Variants in ABLIM2 observed in about 807,000 individuals in gnomAD.
ABLIM2 encodes actin binding LIM protein family member 2, also known as actin-binding LIM protein 2.
In ABLIM2, 53 loss-of-function variants were observed where a neutral mutation model predicts 97.7. The observed-to-expected ratio is 0.54, with a 90% CI of 0.44 to 0.68. The LOEUF is 0.68. Among genes scored for constraint, ABLIM2 ranks in the 30% least tolerant of loss-of-function variants. ABLIM2 has a pLI of 0.00. For synonymous variants in ABLIM2, 361 were observed against 345.8 expected (o/e 1.04, Z -0.49); for missense variants, 835 against 867.2 (o/e 0.96, Z 0.47).
chr4:8,129,548 T>C (rs1163338176), intron 1 of ABLIM2, among the ~76,000 whole-genome samples: 2 of 152,192 alleles, frequency 1.3e-5, no homozygotes, highest in African/African-American at 2.4e-5. Flanking sequence ...AAAGATGGTG[T>C]TTCTAAGATT....
chr4:8,111,074 C>T (rs958695689), intron 1 of ABLIM2, among the ~76,000 whole-genome samples: 2 of 152,222 alleles, frequency 1.3e-5, no homozygotes, highest in Non-Finnish European at 2.9e-5. Flanking sequence ...ACGTGTTTTA[C>T]ATTAAAAAGA....
Position 8,150,615 on chromosome 4 carries a change from C to T in ABLIM2, c.10+8065G>A, listed in dbSNP as rs560510628. 1.3e-5 allele frequency among the ~76,000 whole-genome samples: 2 copies of T among 152,304 alleles called. No individual in the cohort carries two copies. The highest frequency in any genetic ancestry group is 1.9e-4 in the East Asian group (1 of 5,188). On this transcript the variant is annotated intron_variant, in intron 1 of 20. Transcript: ENST00000447017. The surrounding 1 kb of genome is among the most constrained non-coding windows in gnomAD (Gnocchi z 6.3). ...CAGGGTGCGAGCTCCGTGCCGGAGG[C>T]GGGAGGAGCCACTGCTGCTGCCTGG... is the stretch of plus-strand genomic sequence containing the variant.
intron 6 of ABLIM2, among the ~76,000 whole-genome samples, chr4:8,065,562 C>A (rs1396236293): frequency 6.6e-6 from 1 of 152,160 alleles, no homozygotes; most frequent in East Asian, 1.9e-4. Context: ...AAGTTAAACA[C>A]AGAATTACCA....
At chr4:8,084,471 C>A (rs1333415337) in intron 4 of ABLIM2, among the ~76,000 whole-genome samples, 1 of 152,230 alleles carries the variant, frequency 6.6e-6, no homozygotes, top group African/African-American at 2.4e-5. Context: ...TTAGCACTAC[C>A]CTTGCAGGAG....
At position 8,046,312 on chromosome 4, in the gene ABLIM2, C is replaced by A. The variant is rs981400115; in HGVS notation, c.823-1071G>T. Among the ~76,000 whole-genome samples the A allele has an allele frequency of 6.6e-6, 1 of 152,150 alleles. No homozygotes were observed. Among genetic ancestry groups the A allele is most frequent in the African/African-American group, 2.4e-5 (1 of 41,434 alleles). On this transcript the variant is annotated intron_variant, in intron 8 of 20. Coordinates refer to ENST00000447017, the MANE Select transcript of ABLIM2 (RefSeq NM_001130083.2). The surrounding 1 kb of genome is among the most constrained non-coding windows in gnomAD (Gnocchi z 4.4). ...TCTGGCTGCACCTGCTGTCCCTCCC[C>A]ACCTGCAGGGCAGGGGCCTCTCCTG...
intron 12 of ABLIM2, among the ~76,000 whole-genome samples, chr4:8,025,916 C>T (rs898469667): frequency 1.3e-5 from 2 of 152,222 alleles, no homozygotes; most frequent in African/African-American, 4.8e-5. Context: ...TTCAGGACCG[C>T]CCCCTGCCAC....
Position 7,966,714 on chromosome 4 carries a change from C to A in ABLIM2, c.*276G>T. ...GGGCTGGGCTGCAGCCACCTGTGTG[C>A]TCCATCTGATGCCCGACACAGCCAC... is the stretch of plus-strand genomic sequence containing the variant. On this transcript the variant is annotated 3_prime_UTR_variant, in exon 21 of 21. Transcript: ENST00000447017. 2.3e-6 allele frequency: 1 copy of A among 440,440 alleles called. No individual in the cohort carries two copies. Among genetic ancestry groups the A allele is most frequent in the Non-Finnish European group, 4.1e-6 (1 of 243,454 alleles). The allele number at this position is 440,440 out of a possible 1,614,324, so 27.3% of individuals were successfully genotyped here. A position where few individuals can be genotyped will look rare whatever the true frequency, so the allele number is the denominator to read the frequency against.
In ABLIM2 at chr4:8,083,378, T is replaced by C. The variant is rs1286701279; in HGVS notation, c.455-2576A>G. The stretch of plus-strand genomic sequence containing the variant: ...GGCCCACCTCTGCTCTCACTGCCAC[T>C]GCTGTTGTTGCCAGGTGGTCCCCTC... On this transcript the variant is annotated intron_variant, in intron 4 of 20. Coordinates refer to ENST00000447017, the MANE Select transcript of ABLIM2 (RefSeq NM_001130083.2). The surrounding 1 kb of genome is among the most constrained non-coding windows in gnomAD (Gnocchi z 4.6). Among the ~76,000 whole-genome samples, 1 of 152,178 alleles carries C rather than the reference T, an allele frequency of 6.6e-6. No individual in the cohort carries two copies. Among genetic ancestry groups the C allele is most frequent in the Admixed American group, 6.5e-5 (1 of 15,284 alleles).
chr4:8,106,613 C>T lies in ABLIM2; in HGVS notation c.35G>A (p.Ser12Asn), dbSNP rs759178961. ...SAVSQPQAAP[S>N]PLEKSPSTAI... ...CGTGCTGGGCGACTTCTCCAGCGGGCTGGGAGCAGCCTGGGGCTGCGACAC... is the reference window on the plus strand; with the variant it reads ...CGTGCTGGGCGACTTCTCCAGCGGGTTGGGAGCAGCCTGGGGCTGCGACAC... The change falls in exon 2 of 21, where the codon AGC becomes AAC. Residue 12 changes from serine to asparagine, a missense_variant. Ser to Asn is a conservative substitution (Grantham distance 46, BLOSUM62 1). Transcript: ENST00000447017. The T allele has an allele frequency of 2.5e-6, 4 of 1,611,626 alleles. No homozygotes were observed. The highest frequency in any genetic ancestry group is 4.5e-5 in the East Asian group (2 of 44,844).
At position 8,080,933 on chromosome 4, in the gene ABLIM2, G is replaced by C. The variant is rs879140131; in HGVS notation, c.455-131C>G. The C allele has an allele frequency of 5.1e-6, 6 of 1,168,446 alleles. No homozygotes were observed. The South Asian group carries it at 1.0e-4, about 20-fold the overall frequency. The allele number at this position is 1,168,446 out of a possible 1,614,324, so 72.4% of individuals were successfully genotyped here. On this transcript the variant is annotated intron_variant, in intron 4 of 20. Coordinates refer to ENST00000447017, the MANE Select transcript of ABLIM2 (RefSeq NM_001130083.2). ...GGCGGGACAGACCAGCAGCCACAGC[G>C]AGTGTGCTTGGAGGAGTCTCTTACA...
chr4:8,055,387 A>C (rs1160824785), intron 7 of ABLIM2, among the ~76,000 whole-genome samples: 5 of 144,622 alleles, frequency 3.5e-5, no homozygotes, highest in Non-Finnish European at 7.4e-5. Flanking sequence ...ATGGGCTGGC[A>C]CTGCACTCAC....
At chr4:8,156,904 G>A (rs375065034) in intron 1 of ABLIM2, among the ~76,000 whole-genome samples, 1 of 152,238 alleles carries the variant, frequency 6.6e-6, no homozygotes, top group East Asian at 1.9e-4. Flanking sequence ...GGACAGGGCT[G>A]GGCAGGGGCG....
Position 7,999,961 on chromosome 4 carries a change from C to T in ABLIM2, c.1619-7034G>A, listed in dbSNP as rs114137588. On this transcript the variant is annotated intron_variant, in intron 16 of 20. Coordinates refer to ENST00000447017, the MANE Select transcript of ABLIM2 (RefSeq NM_001130083.2). This position sits in a 1 kb window ranked among gnomAD's most constrained non-coding sequence, Gnocchi z 4.4. ...AAAGTCACCGCTGGACATTCAAGGC[C>T]GGGCACCTTGTGGGCAGAGGACTGT... Among the ~76,000 whole-genome samples the T allele has an allele frequency of 4.4e-3, 675 of 152,314 alleles. 10 individuals carry two copies. Among genetic ancestry groups the T allele is most frequent in the African/African-American group, 0.015 (644 of 41,562 alleles).
At chr4:7,984,750 C>A (rs745990292) in intron 18 of ABLIM2, 89 bp downstream of exon 18, 2 of 1,387,916 alleles carry the variant, frequency 1.4e-6, no homozygotes, top group Non-Finnish European at 2.0e-6. Context: ...CTGCAGGCTG[C>A]GGATGGGGTG....
intron 14 of ABLIM2, among the ~76,000 whole-genome samples, chr4:8,012,318 T>C (rs1215759553): frequency 6.6e-6 from 1 of 150,406 alleles, no homozygotes; most frequent in Non-Finnish European, 1.5e-5. Flanking sequence ...CACCCATCCA[T>C]CCATCCATCC....
intron 1 of ABLIM2, among the ~76,000 whole-genome samples, chr4:8,145,454 G>T (rs1851639945): frequency 1.3e-5 from 2 of 152,056 alleles, no homozygotes. Flanking sequence ...AAAGTGCTGG[G>T]ATTACAGGCA....
intron 1 of ABLIM2, among the ~76,000 whole-genome samples, chr4:8,110,623 C>A (rs113870575): frequency 1.3e-5 from 2 of 150,438 alleles, no homozygotes; most frequent in African/African-American, 4.9e-5. Flanking sequence ...ATCACTGTTT[C>A]CAGGTGACTG....
chr4:8,153,535 T>C lies in ABLIM2; in HGVS notation c.10+5145A>G, dbSNP rs147349970. On this transcript the variant is annotated intron_variant, in intron 1 of 20. Coordinates refer to ENST00000447017, the MANE Select transcript of ABLIM2 (RefSeq NM_001130083.2). Reference sequence around the variant, plus strand: ...AATTTCTGGGTCAGGGGGGTCTGGCTTCTGCTGCACCTCATTCAGAGTGGA... The same window carrying C: ...AATTTCTGGGTCAGGGGGGTCTGGCCTCTGCTGCACCTCATTCAGAGTGGA... Among the ~76,000 whole-genome samples, 294 of 152,324 alleles carry C rather than the reference T, an allele frequency of 1.9e-3. 2 individuals carry two copies. Among genetic ancestry groups the C allele is most frequent in the Admixed American group, 4.4e-3 (68 of 15,296 alleles).
intron 12 of ABLIM2, among the ~76,000 whole-genome samples, chr4:8,025,017 C>T (rs1776391112): frequency 6.6e-6 from 1 of 152,194 alleles, no homozygotes. Context: ...GCAACCTCCG[C>T]CTCCTGGATT....
Sources: allele counts gnomAD v4.1 joint callset (sites outside exome capture counted in the v4.1 genomes callset), GRCh38; gene constraint gnomAD v4.1.1; non-coding constraint Gnocchi (gnomAD v3.1); transcripts MANE v1.5; gene names NCBI Gene and HGNC (gene_info 2026-07-23, HGNC 2026-07-21).